Variants in CYBA observed in about 807,000 individuals in gnomAD.
CYBA encodes the protein cytochrome b-245 light chain.
Under a neutral mutation model 20.8 loss-of-function variants are expected in CYBA, and 21 were observed. That is an observed-to-expected ratio of 1.01 (90% confidence interval 0.72 to 1.46). The LOEUF is 1.46. Ranked by LOEUF, CYBA falls within the 40% of genes most tolerant of loss-of-function variation. The pLI, the probability that CYBA is intolerant of heterozygous loss-of-function variation, is 0.00. For synonymous variants in CYBA, 164 were observed against 127.5 expected (o/e 1.29, Z -1.93); for missense variants, 344 against 287.0 (o/e 1.20, Z -1.43).
In CYBA at chr16:88,646,802, G is replaced by C; in HGVS notation, c.240C>G (p.Phe80Leu). The C allele has an allele frequency of 6.2e-7, 1 of 1,613,968 alleles. No individual in the cohort carries two copies. Among genetic ancestry groups the C allele is most frequent in the Non-Finnish European group, 8.5e-7 (1 of 1,179,972 alleles). The change falls in exon 4 of 6, where the codon TTC becomes TTG. Residue 80 changes from phenylalanine to leucine, a missense_variant. Phe to Leu is a conservative substitution (Grantham distance 22, BLOSUM62 0). Coordinates refer to ENST00000261623, the MANE Select transcript of CYBA (RefSeq NM_000101.4). ...QKYMTAVVKL[F>L]GPFTRNYYVR... ...CATAGTAATTCCTGGTAAAGGGCCC[G>C]AACAGCTTCACCACGGCGGTCATGT...
chr16:88,643,974 G>T lies in CYBA; in HGVS notation c.370-403C>A, dbSNP rs1907185506. ...GCAGGCCCTGCTCCGTCTGGTGGGC[G>T]CCATTCACCCACGCTGGCCGGCAGC... is the stretch of plus-strand genomic sequence containing the variant. On this transcript the variant is annotated intron_variant, in intron 5 of 5. Transcript: ENST00000261623. This position sits in a 1 kb window ranked among gnomAD's most constrained non-coding sequence, Gnocchi z 4.3. 6.6e-6 allele frequency among the ~76,000 whole-genome samples: 1 copy of T among 152,134 alleles called. No homozygotes were observed. Among genetic ancestry groups the T allele is most frequent in the Non-Finnish European group, 1.5e-5 (1 of 68,016 alleles).
At chr16:88,646,436 C>T (rs931826280) in intron 4 of CYBA, 29 of 444,218 alleles carry the variant, frequency 6.5e-5, no homozygotes, top group Admixed American at 6.3e-4. Context: ...TGGCCTCAGC[C>T]GGCAGTAACC....
chr16:88,643,401 C>G lies in CYBA; in HGVS notation c.540G>C (p.Pro180=). The change falls in exon 6 of 6, where the codon CCG becomes CCC. Residue 180 remains proline, a synonymous_variant. Coordinates refer to ENST00000261623, the MANE Select transcript of CYBA (RefSeq NM_000101.4). The surrounding 1 kb of genome is among the most constrained non-coding windows in gnomAD (Gnocchi z 4.3). ...GGATGGGGTTGACCTGGGGACCTCCCGGGGGTCCCCCCGCCGCCACCGCAG... is the reference window on the plus strand; with the variant it reads ...GGATGGGGTTGACCTGGGGACCTCCGGGGGGTCCCCCCGCCGCCACCGCAG... ...EEAAVAAGGP[P]GGPQVNPIPV... The G allele has an allele frequency of 1.3e-6, 2 of 1,530,346 alleles. No homozygotes were observed. The highest frequency in any genetic ancestry group is 1.8e-6 in the Non-Finnish European group (2 of 1,140,980). The allele number at this position is 1,530,346 out of a possible 1,614,324, so 94.8% of individuals were successfully genotyped here.
In CYBA at chr16:88,647,139, G is replaced by T. The variant is rs1332506370; in HGVS notation, c.165C>A (p.Pro55=). 1 of 1,611,290 alleles carries T rather than the reference G, an allele frequency of 6.2e-7. No individual in the cohort carries two copies. Among genetic ancestry groups the T allele is most frequent in the Non-Finnish European group, 8.5e-7 (1 of 1,179,814 alleles). The change falls in exon 3 of 6, where the codon CCC becomes CCA. Residue 55 remains proline (P), a synonymous_variant. Coordinates refer to ENST00000261623, the MANE Select transcript of CYBA (RefSeq NM_000101.4). ...TGGAGCCCTTCTTCCTCTTCCCCCG[G>T]GGGTACTCCAGCAGGCACACAAACA... The part of the protein sequence containing the change: ...AGVFVCLLEY[P]RGKRKKGSTM...
At chr16:88,649,049 T>A (rs1293520240) in intron 1 of CYBA, among the ~76,000 whole-genome samples, 1 of 151,498 alleles carries the variant, frequency 6.6e-6, no homozygotes, top group Non-Finnish European at 1.5e-5. Context: ...GCGATTCTCC[T>A]GCCTCAGCCT....
chr16:88,644,873 G>T, intron 5 of CYBA: 2 of 462,598 alleles, frequency 4.3e-6, no homozygotes, highest in Admixed American at 3.7e-5. Context: ...ATAGAAAAAT[G>T]GGCAAAGGAT....
In CYBA at chr16:88,643,367, C is replaced by A; in HGVS notation, c.574G>T (p.Asp192Tyr). 1 of 1,526,658 alleles carries A rather than the reference C, an allele frequency of 6.6e-7. No homozygotes were observed. Among genetic ancestry groups the A allele is most frequent in the South Asian group, 1.2e-5 (1 of 82,298 alleles). 94.6% of individuals were successfully genotyped at this position (1,526,658 alleles called of 1,614,324 possible). Reference protein sequence around the residue: ...GPQVNPIPVTDEVV With the variant: ...GPQVNPIPVTYEVV ...CCGGGGCGAGGTCACACGACCTCGTCGGTCACCGGGATGGGGTTGACCTGG... is the reference window on the plus strand; with the variant it reads ...CCGGGGCGAGGTCACACGACCTCGTAGGTCACCGGGATGGGGTTGACCTGG... The change falls in exon 6 of 6, where the codon GAC (aspartate) becomes TAC (tyrosine). Residue 192 changes from aspartate (D) to tyrosine (Y), a missense_variant. Coordinates refer to ENST00000261623, the MANE Select transcript of CYBA (RefSeq NM_000101.4). This position sits in a 1 kb window ranked among gnomAD's most constrained non-coding sequence, Gnocchi z 4.3.
intron 1 of CYBA, among the ~76,000 whole-genome samples, chr16:88,648,911 G>A (rs1288454955): frequency 1.0e-4 from 14 of 140,528 alleles, no homozygotes; most frequent in Non-Finnish European, 2.0e-4. Flanking sequence ...GAGCCACGGC[G>A]CCTGGTCCTT....
chr16:88,648,463 C>A (rs1000370025), intron 1 of CYBA, among the ~76,000 whole-genome samples: 1 of 152,166 alleles, frequency 6.6e-6, no homozygotes, highest in Non-Finnish European at 1.5e-5. Context: ...GCTAACAGGC[C>A]GAGTGTGGTT....
At position 88,643,301 on chromosome 16, in the gene CYBA, T is replaced by G; in HGVS notation, c.*52A>C. ...GAGGCTCACGCGCTCCCGGCTTCGCTGCATTTATTGCAGGTGGGTGCACCT... is the reference window on the plus strand; with the variant it reads ...GAGGCTCACGCGCTCCCGGCTTCGCGGCATTTATTGCAGGTGGGTGCACCT... On this transcript the variant is annotated 3_prime_UTR_variant, in exon 6 of 6. Transcript: ENST00000261623. This position sits in a 1 kb window ranked among gnomAD's most constrained non-coding sequence, Gnocchi z 4.3. The G allele has an allele frequency of 1.5e-6, 2 of 1,338,970 alleles. No homozygotes were observed. The highest frequency in any genetic ancestry group is 1.0e-6 in the Non-Finnish European group (1 of 1,004,392). 82.9% of individuals were successfully genotyped at this position (1,338,970 alleles called of 1,614,324 possible).
chr16:88,646,924 C>G (rs1478892803), intron 3 of CYBA, 86 bp from the exon 4 acceptor site: 1 of 1,263,768 alleles, frequency 7.9e-7, no homozygotes, highest in Non-Finnish European at 1.1e-6. Flanking sequence ...CCCCAGGGCA[C>G]CCAGGCCTCT....
chr16:88,648,009 G>A (rs751990836), intron 2 of CYBA, 36 bp downstream of exon 2: 23 of 1,592,814 alleles, frequency 1.4e-5, no homozygotes, highest in South Asian at 1.1e-4. Context: ...TGCCCTGGGC[G>A]TTCCCCGCCC....
chr16:88,646,839 C>A lies in CYBA; in HGVS notation c.204-1G>T, dbSNP rs1479910398. On this transcript the variant is annotated splice_acceptor_variant, in intron 3 of 5. Transcript: ENST00000261623. LOFTEE classifies it high-confidence loss of function. ...CACGGCGGTCATGTACTTCTGTCCC[C>A]TGGGGGAGGGAGGAAGGCGAGACGG... 1 of 1,612,648 alleles carries A rather than the reference C, an allele frequency of 6.2e-7. No homozygotes were observed. The highest frequency in any genetic ancestry group is 1.3e-5 in the African/African-American group (1 of 74,894).
chr16:88,646,840 T>TGGGG lies in CYBA; in HGVS notation c.204-6_204-3dup, dbSNP rs1567609168. The TGGGG allele has an allele frequency of 6.2e-7, 1 of 1,611,880 alleles. No individual in the cohort carries two copies. The highest frequency in any genetic ancestry group is 8.5e-7 in the Non-Finnish European group (1 of 1,178,334). Reference sequence around the variant, plus strand: ...ACGGCGGTCATGTACTTCTGTCCCCTGGGGGAGGGAGGAAGGCGAGACGGC... The same window carrying TGGGG: ...ACGGCGGTCATGTACTTCTGTCCCCTGGGGGGGGGAGGGAGGAAGGCGAGACGGC... On this transcript the variant is annotated splice_region_variant and splice_polypyrimidine_tract_variant and intron_variant, in intron 3 of 5. Coordinates refer to ENST00000261623, the MANE Select transcript of CYBA (RefSeq NM_000101.4).
At chr16:88,648,187 A>G (rs1907359217) in intron 1 of CYBA, 73 bp from the exon 2 acceptor site, 1 of 1,441,120 alleles carries the variant, frequency 6.9e-7, no homozygotes, top group Non-Finnish European at 9.5e-7. Flanking sequence ...TTCTCTACCT[A>G]CTGTGGGCCA....
In CYBA at chr16:88,643,367, C is replaced by T. The variant is rs777676283; in HGVS notation, c.574G>A (p.Asp192Asn). Reference sequence around the variant, plus strand: ...CCGGGGCGAGGTCACACGACCTCGTCGGTCACCGGGATGGGGTTGACCTGG... The same window carrying T: ...CCGGGGCGAGGTCACACGACCTCGTTGGTCACCGGGATGGGGTTGACCTGG... ...GPQVNPIPVT[D>N]EVV Residue 192 changes from aspartate (D) to asparagine (N), a missense_variant, in exon 6 of 6, where the codon GAC (aspartate) becomes AAC (asparagine). Coordinates refer to ENST00000261623, the MANE Select transcript of CYBA (RefSeq NM_000101.4). This position sits in a 1 kb window ranked among gnomAD's most constrained non-coding sequence, Gnocchi z 4.3. 4.6e-6 allele frequency: 7 copies of T among 1,526,540 alleles called. No individual in the cohort carries two copies. The highest frequency in any genetic ancestry group is 2.8e-5 in the African/African-American group (2 of 70,282). The allele number at this position is 1,526,540 out of a possible 1,614,324, so 94.6% of individuals were successfully genotyped here. A position where few individuals can be genotyped will look rare whatever the true frequency, so the allele number is the denominator to read the frequency against.
At chr16:88,649,164 C>G (rs933955683) in intron 1 of CYBA, among the ~76,000 whole-genome samples, 16 of 150,840 alleles carry the variant, frequency 1.1e-4, no homozygotes, top group Admixed American at 5.9e-4. Flanking sequence ...GTCTCGATCT[C>G]CTGACCTCGT....
Position 88,643,526 on chromosome 16 carries a change from G to C in CYBA, c.415C>G (p.Arg139Gly), listed in dbSNP as rs972548169. The C allele has an allele frequency of 2.0e-6, 3 of 1,535,132 alleles. No individual in the cohort carries two copies. The highest frequency in any genetic ancestry group is 2.6e-6 in the Non-Finnish European group (3 of 1,146,786). Residue 139 changes from arginine to glycine, a missense_variant, in exon 6 of 6, where the codon CGG becomes GGG. By Grantham distance (125) the Arg-to-Gly change is moderately radical. Coordinates refer to ENST00000261623, the MANE Select transcript of CYBA (RefSeq NM_000101.4). This position sits in a 1 kb window ranked among gnomAD's most constrained non-coding sequence, Gnocchi z 4.3. ...GTGCCTCCGATCTGCGGCCGCTCCCGGGGCTTGGGCTCGATGGGCGTCCAC... is the reference window on the plus strand; with the variant it reads ...GTGCCTCCGATCTGCGGCCGCTCCCCGGGCTTGGGCTCGATGGGCGTCCAC... ...EQWTPIEPKP[R>G]ERPQIGGTIK...
At chr16:88,646,576 C>G (rs1369196848) in intron 4 of CYBA, 179 bp downstream of exon 4, 1 of 714,350 alleles carries the variant, frequency 1.4e-6, no homozygotes, top group Middle Eastern at 2.3e-4. Flanking sequence ...CCTTACAAAT[C>G]CTGCACACTA....
Sources: allele counts gnomAD v4.1 joint callset (sites outside exome capture counted in the v4.1 genomes callset), GRCh38; gene constraint gnomAD v4.1.1; non-coding constraint Gnocchi (gnomAD v3.1); transcripts MANE v1.5; gene names NCBI Gene and HGNC (gene_info 2026-07-23, HGNC 2026-07-21).